The following ERC2 variants were observed in gnomAD, a reference collection of about 807,000 sequenced individuals.
The protein encoded by ERC2 is ELKS/RAB6-interacting/CAST family member 2.
In ERC2, 42 loss-of-function variants were observed where a neutral mutation model predicts 114.8. The observed-to-expected ratio is 0.37, with a 90% CI of 0.29 to 0.47. The LOEUF is 0.47. ERC2 is among the 20% of genes least tolerant of loss of function. The pLI is 0.99. For synonymous variants in ERC2, 454 were observed against 425.5 expected (o/e 1.07, Z -0.82); for missense variants, 939 against 1,150.7 (o/e 0.82, Z 2.66).
chr3:56,442,756 A>G (rs2062378828), intron 1 of ERC2, among the ~76,000 whole-genome samples: 1 of 152,234 alleles, frequency 6.6e-6, no homozygotes, highest in African/African-American at 2.4e-5. Context: ...CCTTCAGAAT[A>G]CCTGAAAACA....
chr3:55,911,619 C>A (rs2064819719), intron 13 of ERC2, among the ~76,000 whole-genome samples: 1 of 152,164 alleles, frequency 6.6e-6, no homozygotes, highest in Non-Finnish European at 1.5e-5. Flanking sequence ...GGAGGACCAC[C>A]AATTTGCATT....
chr3:56,265,611 TC>T (rs1487697008), intron 3 of ERC2, among the ~76,000 whole-genome samples: 11 of 152,066 alleles, frequency 7.2e-5, no homozygotes, highest in Non-Finnish European at 1.2e-4. Context: ...TGTAACTACA[TC>T]AAACTAAAAA....
chr3:55,934,938 G>T (rs1016588598), intron 13 of ERC2, among the ~76,000 whole-genome samples: 2 of 152,110 alleles, frequency 1.3e-5, no homozygotes, highest in Non-Finnish European at 2.9e-5. Flanking sequence ...AAAAGATAAG[G>T]TTACAAAACA....
At chr3:55,662,011 A>C (rs1205029071) in intron 17 of ERC2, among the ~76,000 whole-genome samples, 1 of 152,156 alleles carries the variant, frequency 6.6e-6, no homozygotes, top group East Asian at 1.9e-4. Context: ...TAAGGTTTTT[A>C]TATATGAAGC....
chr3:55,737,811 C>T (rs948282601), intron 14 of ERC2, among the ~76,000 whole-genome samples: 2 of 152,104 alleles, frequency 1.3e-5, no homozygotes, highest in Admixed American at 6.5e-5. Flanking sequence ...CTTTCAAGGC[C>T]GTTTGTATAG....
intron 14 of ERC2, among the ~76,000 whole-genome samples, chr3:55,887,966 C>T (rs1029302509): frequency 6.6e-6 from 1 of 152,224 alleles, no homozygotes; most frequent in Non-Finnish European, 1.5e-5. Context: ...GCATTGTGCA[C>T]AAGTGAGAAG....
In ERC2 at chr3:56,018,951, C is replaced by T. The variant is rs749483573; in HGVS notation, c.1722G>A (p.Thr574=). ...GTGCAGTATCTGTATTACTGGAATC[C>T]GTCTGCAAGGACTTCACTCTGTCTT... ...NLKDRVKSLQ[T]DSSNTDTALA... The change falls in exon 8 of 18, where the codon ACG becomes ACA. Residue 574 remains threonine (T), a synonymous_variant. Coordinates refer to ENST00000288221, the MANE Select transcript of ERC2 (RefSeq NM_015576.3). The T allele has an allele frequency of 2.8e-5, 45 of 1,613,156 alleles. No individual in the cohort carries two copies. The Admixed American group carries it at 3.0e-4, about 11-fold the overall frequency.
At chr3:55,888,693 C>G in intron 13 of ERC2, 144 bp from the exon 14 acceptor site, 1 of 969,864 alleles carries the variant, frequency 1.0e-6, no homozygotes, top group Non-Finnish European at 1.5e-6. Flanking sequence ...CCCTTTCTTT[C>G]TTTGTCATTG....
chr3:55,535,757 G>C (rs1406694113), intron 17 of ERC2, among the ~76,000 whole-genome samples: 1 of 152,172 alleles, frequency 6.6e-6, no homozygotes, highest in Non-Finnish European at 1.5e-5. Context: ...ACTTTGGGAG[G>C]CCAAGGTGGG....
intron 17 of ERC2, among the ~76,000 whole-genome samples, chr3:55,579,531 G>A (rs72870488): frequency 0.2 from 30,182 of 152,140 alleles, 3,057 homozygotes; most frequent in African/African-American, 0.24. Context: ...CAATTTAGAC[G>A]GCAGGACCTG....
intron 10 of ERC2, among the ~76,000 whole-genome samples, chr3:55,995,099 C>T (rs1307775086): frequency 1.3e-5 from 2 of 152,114 alleles, no homozygotes; most frequent in African/African-American, 2.4e-5. Flanking sequence ...CTTTGGGAGG[C>T]CAAGGTGGGT....
intron 14 of ERC2, among the ~76,000 whole-genome samples, chr3:55,755,175 T>C (rs987081358): frequency 3.3e-5 from 5 of 152,092 alleles, no homozygotes; most frequent in Non-Finnish European, 2.9e-5. Flanking sequence ...AACTCTCTTA[T>C]CCCAAATTTG....
intron 15 of ERC2, among the ~76,000 whole-genome samples, chr3:55,708,982 T>C (rs1383664246): frequency 3.3e-5 from 5 of 152,178 alleles, no homozygotes; most frequent in East Asian, 1.9e-4. Context: ...ATTCGGACTC[T>C]AGAATTGTGC....
chr3:55,800,829 T>C (rs1375065048), intron 14 of ERC2, among the ~76,000 whole-genome samples: 1 of 152,158 alleles, frequency 6.6e-6, no homozygotes, highest in East Asian at 1.9e-4. Flanking sequence ...GAGATAGATG[T>C]AGGAAGGAAA....
intron 17 of ERC2, among the ~76,000 whole-genome samples, chr3:55,580,829 A>G (rs1179261699): frequency 6.6e-6 from 1 of 152,234 alleles, no homozygotes; most frequent in Admixed American, 6.5e-5. Flanking sequence ...GGTTCTAAAC[A>G]AAATTGACAT....
chr3:55,543,138 C>T (rs1289909062), intron 17 of ERC2, among the ~76,000 whole-genome samples: 4 of 152,170 alleles, frequency 2.6e-5, no homozygotes, highest in Non-Finnish European at 5.9e-5. Flanking sequence ...TATCCCTGAA[C>T]TCCATCAGAC....
In ERC2 at chr3:56,279,414, G is replaced by T. The variant is rs547543406; in HGVS notation, c.1074+16605C>A. 7.0e-4 allele frequency among the ~76,000 whole-genome samples: 106 copies of T among 152,314 alleles called. 1 individual carries two copies. Among genetic ancestry groups the T allele is most frequent in the Admixed American group, 1.0e-3 (16 of 15,296 alleles). On this transcript the variant is annotated intron_variant, in intron 3 of 17. Transcript: ENST00000288221. ...GAAGGACTGAAAGTGAGGATATCCAGAGAAGGTAAAACACCTGGGCTGAAT... is the reference window on the plus strand; with the variant it reads ...GAAGGACTGAAAGTGAGGATATCCATAGAAGGTAAAACACCTGGGCTGAAT...
At chr3:55,954,081 T>TAAAA (rs58512381) in intron 12 of ERC2, among the ~76,000 whole-genome samples, 15 of 50,360 alleles carry the variant, frequency 3.0e-4, no homozygotes, top group African/African-American at 7.7e-4. Context: ...CTCCATTATT[T>TAAAA]AAAAAAAAAA....
chr3:55,778,955 T>A (rs1319138072), intron 14 of ERC2, among the ~76,000 whole-genome samples: 1 of 151,402 alleles, frequency 6.6e-6, no homozygotes, highest in East Asian at 1.9e-4. Context: ...AAAGAAGAGA[T>A]TGGAATAATG....
Sources: allele counts gnomAD v4.1 joint callset (sites outside exome capture counted in the v4.1 genomes callset), GRCh38; gene constraint gnomAD v4.1.1; transcripts MANE v1.5; gene names NCBI Gene and HGNC (gene_info 2026-07-23, HGNC 2026-07-21).